Variants in CCSER2 observed in about 807,000 individuals in gnomAD.
CCSER2 encodes the protein coiled-coil serine rich protein 2.
Under a neutral mutation model 92.3 loss-of-function variants are expected in CCSER2, and 46 were observed. The ratio of observed to expected loss-of-function variants is 0.50; its 90% CI spans 0.39 to 0.64. The LOEUF (loss-of-function observed/expected upper bound fraction) is 0.64. Among genes scored for constraint, CCSER2 ranks in the 30% least tolerant of loss-of-function variants. CCSER2 has a pLI of 0.00. For missense variants in CCSER2, 1,244 were observed against 1,238.9 expected (o/e 1.00, Z -0.06); for synonymous variants, 433 against 431.4 (o/e 1.00, Z -0.04).
In CCSER2 at chr10:84,514,235, T is replaced by C. The variant is rs1401471652; in HGVS notation, c.3112T>C (p.Tyr1038His). ...TGGGGATTGTTTGGCCTCTAATCGA[T>C]ATTCTCGTCTTCCTAAACCAAAGAT... ...HSGDCLASNRYSRLPKPKIH is the reference protein window; with the variant it reads ...HSGDCLASNRHSRLPKPKIH The change falls in exon 10 of 10, where the codon TAT (tyrosine) becomes CAT (histidine). Residue 1038 changes from tyrosine to histidine, a missense_variant. By Grantham distance (83) the Tyr-to-His change is moderately conservative. Coordinates refer to ENST00000372088, the MANE Select transcript of CCSER2 (RefSeq NM_001284240.2). 1.3e-6 allele frequency: 2 copies of C among 1,536,328 alleles called. No individual in the cohort carries two copies. Among genetic ancestry groups the C allele is most frequent in the Non-Finnish European group, 1.7e-6 (2 of 1,146,880 alleles).
Position 84,513,613 on chromosome 10 carries a change from A to T in CCSER2, c.2490A>T (p.Gln830His), listed in dbSNP as rs1849482739. 6.2e-7 allele frequency: 1 copy of T among 1,611,430 alleles called. No homozygotes were observed. The highest frequency in any genetic ancestry group is 2.2e-5 in the East Asian group (1 of 44,868). Residue 830 changes from glutamine to histidine, a missense_variant, in exon 10 of 10, where the codon CAA becomes CAT. By Grantham distance (24) the Gln-to-His change is conservative (BLOSUM62 0). Transcript: ENST00000372088. Reference protein sequence around the residue: ...PEESFTHVLHQESNYGLEEQP... With the variant: ...PEESFTHVLHHESNYGLEEQP... ...AAAGCTTTACACACGTCTTGCACCA[A>T]GAAAGCAACTATGGTTTGGAAGAGC...
chr10:84,494,762 T>A (rs781012229), intron 9 of CCSER2, among the ~76,000 whole-genome samples: 3 of 152,132 alleles, frequency 2.0e-5, no homozygotes, highest in Non-Finnish European at 2.9e-5. Context: ...CTCTGAGTCC[T>A]GACAAAAGGC....
At chr10:84,478,240 A>G (rs1299838717) in intron 9 of CCSER2, among the ~76,000 whole-genome samples, 1 of 152,212 alleles carries the variant, frequency 6.6e-6, no homozygotes. Flanking sequence ...ATCTCAAAAC[A>G]TGTTTAGTGC....
At chr10:84,468,383 T>G (rs1846578654) in intron 7 of CCSER2, among the ~76,000 whole-genome samples, 1 of 152,254 alleles carries the variant, frequency 6.6e-6, no homozygotes, top group Non-Finnish European at 1.5e-5. Context: ...ATGGAAATGC[T>G]AATTGCCCTG....
intron 3 of CCSER2, among the ~76,000 whole-genome samples, chr10:84,409,100 C>T (rs938247901): frequency 6.6e-6 from 1 of 152,102 alleles, no homozygotes; most frequent in Non-Finnish European, 1.5e-5. Context: ...AAGAGATTCT[C>T]CTGCCTCAGC....
rs1186555414 is a variant in CCSER2 at position 84,417,771 on chromosome 10, G to A, written c.1615G>A (p.Asp539Asn). 6.7e-7 allele frequency: 1 copy of A among 1,498,056 alleles called. No individual in the cohort carries two copies. 92.8% of individuals were successfully genotyped at this position (1,498,056 alleles called of 1,614,324 possible). The part of the protein sequence containing the change: ...SYESSEMNSI[D>N]ILNNLESCDL... ...TATTTTTTACTGCTTTTGTTCACAG[G>A]ATATTTTGAATAATCTTGAATCATG... The change falls in exon 4 of 10, where the codon GAT becomes AAT. Residue 539 changes from aspartate (D) to asparagine (N), a missense_variant and splice_region_variant. Transcript: ENST00000372088.
intron 3 of CCSER2, among the ~76,000 whole-genome samples, chr10:84,406,219 T>C (rs1842368521): frequency 6.6e-6 from 1 of 152,098 alleles, no homozygotes; most frequent in Admixed American, 6.6e-5. Flanking sequence ...AAGACAAAAC[T>C]ATGGTGATGG....
At chr10:84,456,002 C>G (rs2040711927) in intron 6 of CCSER2, 1 of 549,922 alleles carries the variant, frequency 1.8e-6, no homozygotes, top group Admixed American at 2.3e-5. Flanking sequence ...TAGTAGCCTT[C>G]TCCAGCAACA....
At chr10:84,392,612 A>C (rs1841588980) in intron 3 of CCSER2, among the ~76,000 whole-genome samples, 1 of 152,134 alleles carries the variant, frequency 6.6e-6, no homozygotes. Flanking sequence ...AATATAGTTA[A>C]AATCAGCTTG....
intron 3 of CCSER2, among the ~76,000 whole-genome samples, chr10:84,381,851 C>T (rs569455659): frequency 7.0e-6 from 1 of 143,282 alleles, no homozygotes; most frequent in Non-Finnish European, 1.5e-5. Context: ...TGAACCCGGG[C>T]GGCAGAGGTT....
intron 1 of CCSER2, among the ~76,000 whole-genome samples, chr10:84,347,662 G>A (rs1176314840): frequency 6.6e-6 from 1 of 151,806 alleles, no homozygotes; most frequent in East Asian, 2.0e-4. Flanking sequence ...CTTCCCAGAC[G>A]GGCGGCTGCC....
intron 4 of CCSER2, among the ~76,000 whole-genome samples, chr10:84,419,469 G>C (rs766309611): frequency 3.9e-5 from 6 of 152,158 alleles, no homozygotes; most frequent in Non-Finnish European, 8.8e-5. Context: ...GCCAAAGCAG[G>C]TAACATGGCC....
At chr10:84,497,822 A>G (rs953598578) in intron 9 of CCSER2, among the ~76,000 whole-genome samples, 1 of 152,232 alleles carries the variant, frequency 6.6e-6, no homozygotes, top group Non-Finnish European at 1.5e-5. Context: ...TTTAAATGCC[A>G]TATAAATAGA....
chr10:84,436,067 C>T (rs1441510472), intron 5 of CCSER2, among the ~76,000 whole-genome samples: 1 of 152,008 alleles, frequency 6.6e-6, no homozygotes, highest in Admixed American at 6.6e-5. Flanking sequence ...CCGTGGCCGA[C>T]GCCTGTAATC....
chr10:84,420,413 G>A (rs1843081035), intron 4 of CCSER2, among the ~76,000 whole-genome samples: 1 of 152,176 alleles, frequency 6.6e-6, no homozygotes, highest in South Asian at 2.1e-4. Context: ...AGGCACCAAA[G>A]ATAAAATAGT....
intron 1 of CCSER2, among the ~76,000 whole-genome samples, chr10:84,334,319 A>G (rs1254212092): frequency 2.0e-5 from 3 of 152,028 alleles, no homozygotes; most frequent in Non-Finnish European, 4.4e-5. Context: ...TGCTTGCTAC[A>G]GGTGCTGATG....
rs1840923663 is a variant in CCSER2 at position 84,381,839 on chromosome 10, C to A, written c.1614+8024C>A. ...GCTACTCGGGAGGCTAGGAGAATTGCTTGAACCCGGGCGGCAGAGGTTGCA... is the reference window on the plus strand; with the variant it reads ...GCTACTCGGGAGGCTAGGAGAATTGATTGAACCCGGGCGGCAGAGGTTGCA... On this transcript the variant is annotated intron_variant, in intron 3 of 9. Coordinates refer to ENST00000372088, the MANE Select transcript of CCSER2 (RefSeq NM_001284240.2). Among the ~76,000 whole-genome samples the A allele has an allele frequency of 1.1e-4, 16 of 148,660 alleles. No individual in the cohort carries two copies. The Admixed American group carries it at 1.1e-3, about 10-fold the overall frequency.
At chr10:84,360,746 CTTACCTTTGAT>C (rs2133114676) in intron 1 of CCSER2, among the ~76,000 whole-genome samples, 1 of 152,276 alleles carries the variant, frequency 6.6e-6, no homozygotes, top group African/African-American at 2.4e-5. Context: ...TTCCTAAGGC[CTTACCTTTGAT>C]ATGTTGGTTC....
At chr10:84,352,893 T>G (rs2133076815) in intron 1 of CCSER2, among the ~76,000 whole-genome samples, 1 of 152,182 alleles carries the variant, frequency 6.6e-6, no homozygotes, top group South Asian at 2.1e-4. Flanking sequence ...TAGGTTCAAT[T>G]GACTCTTATG....
Sources: allele counts gnomAD v4.1 joint callset (sites outside exome capture counted in the v4.1 genomes callset), GRCh38; gene constraint gnomAD v4.1.1; transcripts MANE v1.5; gene names NCBI Gene and HGNC (gene_info 2026-07-23, HGNC 2026-07-21).